FAM81A: variants seen among roughly 807,000 people sequenced by gnomAD.
FAM81A encodes the protein protein FAM81A.
A neutral mutation model predicts 46.7 loss-of-function variants in FAM81A; 19 were observed. The ratio of observed to expected loss-of-function variants is 0.41; its 90% CI spans 0.28 to 0.60. FAM81A has a LOEUF of 0.60. Ranked by LOEUF, FAM81A falls within the 20% of genes least tolerant of loss-of-function variation. FAM81A has a pLI of 0.34. For missense variants in FAM81A, 377 were observed against 453.5 expected, an observed-to-expected ratio of 0.83 and a Z score of 1.53; for synonymous variants, 183 against 152.9, an observed-to-expected ratio of 1.20 and a Z score of -1.45.
intron 8 of FAM81A, among the ~76,000 whole-genome samples, chr15:59,519,441 G>T (rs1206926863): frequency 6.6e-6 from 1 of 150,708 alleles, no homozygotes; most frequent in Non-Finnish European, 1.5e-5. Flanking sequence ...CACCCGCCTC[G>T]GCCTGCCTTC....
intron 6 of FAM81A, among the ~76,000 whole-genome samples, chr15:59,509,953 A>G (rs73417092): frequency 0.027 from 4,164 of 152,222 alleles, 195 homozygotes; most frequent in African/African-American, 0.096. Flanking sequence ...AGAAGGCCCA[A>G]CCTATGCCTA....
At chr15:59,412,941 A>C (rs1161959856) in intron 2 of FAM81A, among the ~76,000 whole-genome samples, 6 of 152,200 alleles carry the variant, frequency 3.9e-5, no homozygotes, top group Non-Finnish European at 7.3e-5. Flanking sequence ...GAAATCAATC[A>C]AAAATTAAAA....
chr15:59,459,581 C>A lies in FAM81A; in HGVS notation c.21-352C>A, dbSNP rs185128708. 1.9e-3 allele frequency among the ~76,000 whole-genome samples: 290 copies of A among 152,204 alleles called. 1 individual carries two copies. Among genetic ancestry groups the A allele is most frequent in the Non-Finnish European group, 1.5e-3 (99 of 68,012 alleles). ...CACGTAGGCATTGAGTTTGTAACCA[C>A]TGTTTCAGAGAGGGAGGAGGAGGAG... is the stretch of plus-strand genomic sequence containing the variant. On this transcript the variant is annotated intron_variant, in intron 2 of 8. Coordinates refer to ENST00000288228, the MANE Select transcript of FAM81A (RefSeq NM_152450.3).
chr15:59,514,312 T>G lies in FAM81A; in HGVS notation c.674T>G (p.Leu225Arg). ...DTKFKGTVEE[L>R]SNQILSARSW... ...AGATTTAAAGGTACAGTTGAGGAAC[T>G]CAGTAACCAGATATTATCTGCACGG... Residue 225 changes from leucine to arginine, a missense_variant, in exon 7 of 9, where the codon CTC becomes CGC. Coordinates refer to ENST00000288228, the MANE Select transcript of FAM81A (RefSeq NM_152450.3). The G allele has an allele frequency of 6.2e-7, 1 of 1,609,062 alleles. No individual in the cohort carries two copies. The highest frequency in any genetic ancestry group is 8.5e-7 in the Non-Finnish European group (1 of 1,178,186).
chr15:59,513,728 A>G (rs1288226553), intron 6 of FAM81A, among the ~76,000 whole-genome samples: 2 of 152,224 alleles, frequency 1.3e-5, no homozygotes, highest in East Asian at 1.9e-4. Flanking sequence ...ATTACTGGGC[A>G]TATACCCAAA....
At chr15:59,480,142 G>T (rs866056707) in intron 3 of FAM81A, among the ~76,000 whole-genome samples, 7 of 152,308 alleles carry the variant, frequency 4.6e-5, no homozygotes, top group African/African-American at 1.7e-4. Context: ...CTATCAAATG[G>T]TGGAAATGCC....
chr15:59,464,278 TG>T (rs1403803953), intron 3 of FAM81A, among the ~76,000 whole-genome samples: 1 of 152,200 alleles, frequency 6.6e-6, no homozygotes, highest in Non-Finnish European at 1.5e-5. Flanking sequence ...GCAATAAACA[TG>T]GGGGTGAAGA....
chr15:59,443,334 G>A (rs2081321013), intron 1 of FAM81A, among the ~76,000 whole-genome samples: 1 of 152,116 alleles, frequency 6.6e-6, no homozygotes, highest in Non-Finnish European at 1.5e-5. Context: ...TGCCTGCCTT[G>A]GCCTCCCAAA....
intron 4 of FAM81A, among the ~76,000 whole-genome samples, chr15:59,497,465 A>T (rs1235424542): frequency 6.6e-6 from 1 of 152,080 alleles, no homozygotes; most frequent in Admixed American, 6.5e-5. Flanking sequence ...AAAATTTAAG[A>T]TCAGTTTGTC....
At chr15:59,479,519 G>GAAAAAAAAAAAAAAAAAAAAAA (rs57107735) in intron 3 of FAM81A, among the ~76,000 whole-genome samples, 3 of 72,676 alleles carry the variant, frequency 4.1e-5, no homozygotes, top group African/African-American at 1.2e-4. Flanking sequence ...TCAAAAATAA[G>GAAAAAAAAAAAAAAAAAAAAAA]AAAAAAAAAA....
chr15:59,402,776 A>G (rs1413587479), intron 2 of FAM81A, among the ~76,000 whole-genome samples: 1 of 151,440 alleles, frequency 6.6e-6, no homozygotes, highest in African/African-American at 2.4e-5. Flanking sequence ...CTGGTCTCGA[A>G]CTCCTGGCCT....
chr15:59,483,254 G>A (rs1224559932), intron 3 of FAM81A, among the ~76,000 whole-genome samples: 1 of 152,020 alleles, frequency 6.6e-6, no homozygotes, highest in African/African-American at 2.4e-5. Context: ...GGCCAGGCTG[G>A]TCTCGAACTC....
chr15:59,489,262 C>G (rs1454029262), intron 3 of FAM81A, among the ~76,000 whole-genome samples: 3 of 145,896 alleles, frequency 2.1e-5, no homozygotes, highest in Non-Finnish European at 4.5e-5. Context: ...GAGACTCCAT[C>G]TCAAATACAT....
chr15:59,509,003 A>G, intron 6 of FAM81A, 34 bp downstream of exon 6: 1 of 1,536,364 alleles, frequency 6.5e-7, no homozygotes, highest in Non-Finnish European at 8.9e-7. Context: ...AATAAAACTT[A>G]AAGTTCTTTA....
intron 1 of FAM81A, chr15:59,444,995 T>A (rs531685455): frequency 6.6e-6 from 1 of 152,352 alleles, no homozygotes; most frequent in South Asian, 2.1e-4. Flanking sequence ...CCAGGAAAAT[T>A]ACTAGGAATG....
intron 2 of FAM81A, among the ~76,000 whole-genome samples, chr15:59,431,516 A>G (rs1596467631): frequency 6.7e-6 from 1 of 148,742 alleles, no homozygotes. Flanking sequence ...TACAGGCGTG[A>G]GCCACTGCAA....
At chr15:59,403,894 T>TA (rs1225869937) in intron 2 of FAM81A, among the ~76,000 whole-genome samples, 1 of 151,042 alleles carries the variant, frequency 6.6e-6, no homozygotes, top group Non-Finnish European at 1.5e-5. Context: ...TTTCTTTTTT[T>TA]TTTTTTTGAG....
intron 2 of FAM81A, among the ~76,000 whole-genome samples, chr15:59,426,167 C>T (rs1231059594): frequency 1.3e-5 from 2 of 151,970 alleles, no homozygotes; most frequent in African/African-American, 2.4e-5. Flanking sequence ...AACAGAAATA[C>T]AGAAATTATG....
At chr15:59,462,628 C>G (rs2081566385) in intron 3 of FAM81A, among the ~76,000 whole-genome samples, 1 of 152,108 alleles carries the variant, frequency 6.6e-6, no homozygotes, top group Non-Finnish European at 1.5e-5. Context: ...TCCATCATCC[C>G]AAAGTGAGAC....
Sources: gnomAD v4.1 joint callset for allele counts (sites outside exome capture counted in the v4.1 genomes callset) on GRCh38, gnomAD v4.1.1 for gene constraint, MANE v1.5 for transcripts, NCBI Gene and HGNC (gene_info 2026-07-23, HGNC 2026-07-21) for gene names.